ECH1: variants seen among roughly 807,000 people sequenced by gnomAD.
ECH1 encodes the protein delta(3,5)-Delta(2,4)-dienoyl-CoA isomerase, mitochondrial.
A neutral mutation model predicts 37.0 loss-of-function variants in ECH1; 30 were observed. That is an observed-to-expected ratio of 0.81 (90% CI 0.61 to 1.10). ECH1 has a LOEUF of 1.10. Among genes scored for constraint, ECH1 ranks in the 50% least tolerant of loss-of-function variants. ECH1 has a pLI of 0.00. For synonymous variants in ECH1, 178 were observed against 176.0 expected, an observed-to-expected ratio of 1.01 and a Z score of -0.09; for missense variants, 456 against 441.6, an observed-to-expected ratio of 1.03 and a Z score of -0.29.
chr19:38,820,624 A>G (rs1476632058), intron 3 of ECH1: 2 of 152,210 alleles, frequency 1.3e-5, no homozygotes, highest in Admixed American at 6.5e-5. Flanking sequence ...TGAGTGCTAC[A>G]TAATTGTGGC....
Position 38,815,846 on chromosome 19 carries a change from G to A in ECH1, c.882+11C>T, listed in dbSNP as rs1033886239. 3.1e-6 allele frequency: 5 copies of A among 1,614,156 alleles called. No homozygotes were observed. The highest frequency in any genetic ancestry group is 3.4e-6 in the Non-Finnish European group (4 of 1,180,026). On this transcript the variant is annotated intron_variant, in intron 9 of 9. Coordinates refer to ENST00000221418, the MANE Select transcript of ECH1 (RefSeq NM_001398.3). ...GAGGAGGGCTGTGATTGGTCGGAGC[G>A]TGCACCTTACCACGTAGTTGAGGCT...
intron 3 of ECH1, among the ~76,000 whole-genome samples, chr19:38,818,935 A>G (rs868699113): frequency 5.8e-4 from 18 of 31,132 alleles, no homozygotes; most frequent in Non-Finnish European, 8.8e-4. Context: ...GTGTGTGTGC[A>G]CTGTTCCCAA....
Position 38,817,552 on chromosome 19 carries a change from A to C in ECH1, c.373T>G (p.Ser125Ala). ...TAGIDLMDMA[S>A]DILQPKGDDV... The stretch of plus-strand genomic sequence containing the variant: ...TCTCCTTTGGGCTGCAGGATGTCCG[A>C]AGCCATGTCCATCAGGTCAATACCT... Residue 125 changes from serine (S) to alanine (A), a missense_variant, in exon 4 of 10, where the codon TCG (serine) becomes GCG (alanine). Physicochemically the swap from Ser to Ala is moderately conservative, Grantham distance 99 (BLOSUM62 1). Coordinates refer to ENST00000221418, the MANE Select transcript of ECH1 (RefSeq NM_001398.3). 6.2e-7 allele frequency: 1 copy of C among 1,609,218 alleles called. No homozygotes were observed. Among genetic ancestry groups the C allele is most frequent in the East Asian group, 2.2e-5 (1 of 44,682 alleles).
Position 38,817,125 on chromosome 19 carries a change from C to T in ECH1, c.528G>A (p.Val176=). The change falls in exon 6 of 10, where the codon GTG becomes GTA. Residue 176 remains valine (V), a synonymous_variant. Transcript: ENST00000221418. ...GGATGTCACAGGCGGTGACAAGGTC[C>T]ACACCTAGGAGGTAGAGGCCAGGGA... ...AVHGGCIGGG[V]DLVTACDIRY... 6.4e-7 allele frequency: 1 copy of T among 1,571,348 alleles called. No individual in the cohort carries two copies. Among genetic ancestry groups the T allele is most frequent in the Non-Finnish European group, 8.6e-7 (1 of 1,158,214 alleles).
intron 3 of ECH1, among the ~76,000 whole-genome samples, chr19:38,817,918 A>C (rs948620123): frequency 6.6e-6 from 1 of 152,112 alleles, no homozygotes; most frequent in African/African-American, 2.4e-5. Context: ...GAACTATTTA[A>C]ATTAACTCAT....
At chr19:38,825,160 TAATC>T (rs762655355) in intron 3 of ECH1, among the ~76,000 whole-genome samples, 46 of 152,324 alleles carry the variant, frequency 3.0e-4, no homozygotes, top group Admixed American at 6.5e-4. Context: ...CCTGGAATCT[TAATC>T]AAGTAAATGA....
At chr19:38,817,726 T>C (rs778094130) in intron 3 of ECH1, 151 bp from the exon 4 acceptor site, 5 of 1,417,526 alleles carry the variant, frequency 3.5e-6, no homozygotes, top group Non-Finnish European at 4.6e-6. Context: ...GAGGGATTGA[T>C]TGCATGTTGG....
In ECH1 at chr19:38,831,316, A is replaced by T. The variant is rs886942604; in HGVS notation, c.253T>A (p.Phe85Ile). The change falls in exon 2 of 10, where the codon TTC becomes ATC. Residue 85 changes from phenylalanine (F) to isoleucine (I), a missense_variant. Physicochemically the swap from Phe to Ile is conservative, Grantham distance 21. Transcript: ENST00000221418. Reference protein sequence around the residue: ...PNKRNAMNKVFWREMVECFNK... With the variant: ...PNKRNAMNKVIWREMVECFNK... Reference sequence around the variant, plus strand: ...AGGATCTGCAGGTCAGACCTCCAGAAGACCTTGTTCATGGCATTCCTCTTG... The same window carrying T: ...AGGATCTGCAGGTCAGACCTCCAGATGACCTTGTTCATGGCATTCCTCTTG... 6.2e-7 allele frequency: 1 copy of T among 1,610,640 alleles called. No individual in the cohort carries two copies. The highest frequency in any genetic ancestry group is 1.3e-5 in the African/African-American group (1 of 74,886).
chr19:38,820,053 CTTTTTTTTTTTTTT>C (rs1168608450), intron 3 of ECH1: 6 of 139,496 alleles, frequency 4.3e-5, no homozygotes, highest in Non-Finnish European at 6.0e-5. Context: ...GTCCCCCTTA[CTTTTTTTTTTTTTT>C]TTTTTTTTTT....
intron 3 of ECH1, among the ~76,000 whole-genome samples, chr19:38,818,931 G>GCA (rs777285072): frequency 3.9e-5 from 5 of 127,138 alleles, no homozygotes; most frequent in African/African-American, 1.4e-4. Flanking sequence ...GTGTGTGTGT[G>GCA]TGCACTGTTC....
At chr19:38,830,359 G>A (rs907892072) in intron 3 of ECH1, among the ~76,000 whole-genome samples, 3 of 152,190 alleles carry the variant, frequency 2.0e-5, no homozygotes, top group African/African-American at 7.2e-5. Context: ...CACAGCTATA[G>A]GCTGAGAGGT....
At chr19:38,824,624 A>G (rs559919483) in intron 3 of ECH1, among the ~76,000 whole-genome samples, 3 of 152,258 alleles carry the variant, frequency 2.0e-5, no homozygotes, top group South Asian at 2.1e-4. Context: ...TTACAATACT[A>G]TCCTGCAGCT....
intron 5 of ECH1, 23 bp downstream of exon 5, chr19:38,817,293 C>A: frequency 6.5e-7 from 1 of 1,537,642 alleles, no homozygotes; most frequent in Non-Finnish European, 8.8e-7. Flanking sequence ...AGCACCCGAG[C>A]AGGAGGATAG....
chr19:38,815,735 G>A lies in ECH1; in HGVS notation c.883-18C>T. 6.2e-7 allele frequency: 1 copy of A among 1,614,058 alleles called. No homozygotes were observed. ...CAGGACGCCTGGTACCGAGGGTGTT[G>A]AGAGAGAACGAGGAGAGAGATTAGC... is the stretch of plus-strand genomic sequence containing the variant. On this transcript the variant is annotated intron_variant, in intron 9 of 9. Coordinates refer to ENST00000221418, the MANE Select transcript of ECH1 (RefSeq NM_001398.3).
chr19:38,827,368 A>G (rs1971754707), intron 3 of ECH1, among the ~76,000 whole-genome samples: 2 of 152,104 alleles, frequency 1.3e-5, no homozygotes, highest in South Asian at 4.1e-4. Flanking sequence ...ACGGACAACT[A>G]CATACGCTGG....
In ECH1 at chr19:38,816,275, T is replaced by C. The variant is rs771046199; in HGVS notation, c.731+9A>G. The C allele has an allele frequency of 6.2e-7, 1 of 1,612,570 alleles. No homozygotes were observed. Among genetic ancestry groups the C allele is most frequent in the Non-Finnish European group, 8.5e-7 (1 of 1,179,952 alleles). ...CCCCAGCACTGAGCTACCACGGCCA[T>C]GGCCCTACCTGACCAGCCCACTGCC... is the stretch of plus-strand genomic sequence containing the variant. On this transcript the variant is annotated intron_variant, in intron 8 of 9. Coordinates refer to ENST00000221418, the MANE Select transcript of ECH1 (RefSeq NM_001398.3).
intron 3 of ECH1, among the ~76,000 whole-genome samples, chr19:38,827,981 CAGG>C (rs1007510986): frequency 6.1e-4 from 93 of 152,242 alleles, no homozygotes; most frequent in African/African-American, 2.2e-3. Flanking sequence ...GAGGCCGAGT[CAGG>C]AGGATCGCTT....
intron 3 of ECH1, among the ~76,000 whole-genome samples, chr19:38,828,440 C>T (rs1465112189): frequency 6.7e-6 from 1 of 149,430 alleles, no homozygotes; most frequent in Non-Finnish European, 1.5e-5. Flanking sequence ...CCATGTTGGC[C>T]AGGCTAGTCT....
At chr19:38,818,158 A>G (rs1971606555) in intron 3 of ECH1, 2 of 919,796 alleles carry the variant, frequency 2.2e-6, no homozygotes, top group Non-Finnish European at 2.6e-6. Context: ...ATGCCGCATC[A>G]GAAGTAGGAT....
Sources: gnomAD v4.1 joint callset for allele counts (sites outside exome capture counted in the v4.1 genomes callset) on GRCh38, gnomAD v4.1.1 for gene constraint, MANE v1.5 for transcripts, NCBI Gene and HGNC (gene_info 2026-07-23, HGNC 2026-07-21) for gene names.